The following AGBL1 variants were observed in gnomAD, a reference collection of about 807,000 sequenced individuals.
AGBL1 encodes the protein cytosolic carboxypeptidase 4.
In AGBL1, 130 loss-of-function variants were observed where a neutral mutation model predicts 118.9. The ratio of observed to expected loss-of-function variants is 1.09; its 90% CI spans 0.95 to 1.26. AGBL1 has a LOEUF of 1.26. Among genes scored for constraint, AGBL1 ranks in the 50% most tolerant of loss-of-function variants. AGBL1 has a pLI of 0.00. For synonymous variants in AGBL1, 555 were observed against 478.9 expected (o/e 1.16, Z -2.08); for missense variants, 1,584 against 1,298.1 (o/e 1.22, Z -3.38).
intron 22 of AGBL1, among the ~76,000 whole-genome samples, chr15:86,758,098 A>G (rs139256753): frequency 2.0e-3 from 308 of 152,162 alleles, no homozygotes; most frequent in African/African-American, 7.1e-3. Flanking sequence ...TGGCTTCCCA[A>G]TTCTCCTATG....
intron 18 of AGBL1, among the ~76,000 whole-genome samples, chr15:86,452,143 C>T (rs962940048): frequency 6.6e-6 from 1 of 152,156 alleles, no homozygotes; most frequent in Non-Finnish European, 1.5e-5. Flanking sequence ...AATCTCTAGA[C>T]TCATCTCCTA....
intron 18 of AGBL1, among the ~76,000 whole-genome samples, chr15:86,433,714 C>G (rs1265111534): frequency 1.3e-5 from 2 of 152,148 alleles, no homozygotes; most frequent in African/African-American, 4.8e-5. Context: ...CACTCAATCT[C>G]CAAGCTTCAG....
chr15:86,148,167 T>A (rs1018792856), intron 3 of AGBL1, among the ~76,000 whole-genome samples: 7 of 152,162 alleles, frequency 4.6e-5, no homozygotes, highest in Admixed American at 2.0e-4. Flanking sequence ...ATCAGAAAGA[T>A]GGGGAGAAAC....
intron 1 of AGBL1, among the ~76,000 whole-genome samples, chr15:86,093,113 C>T (rs188564804): frequency 6.6e-6 from 1 of 152,026 alleles, no homozygotes; most frequent in Non-Finnish European, 1.5e-5. Context: ...AGAATGGAGA[C>T]CGTAGTGATC....
chr15:86,131,055 C>T (rs944722116), intron 1 of AGBL1, among the ~76,000 whole-genome samples: 8 of 152,104 alleles, frequency 5.3e-5, no homozygotes, highest in African/African-American at 1.7e-4. Context: ...TGGGTCTTTC[C>T]GTATGGCAAG....
intron 1 of AGBL1, among the ~76,000 whole-genome samples, chr15:86,100,069 CT>C (rs956049111): frequency 1.3e-5 from 2 of 151,360 alleles, no homozygotes; most frequent in Non-Finnish European, 2.9e-5. Flanking sequence ...TTATCAAATG[CT>C]TTTTCAGCAG....
intron 22 of AGBL1, among the ~76,000 whole-genome samples, chr15:86,683,303 T>C (rs573558429): frequency 2.6e-5 from 4 of 152,322 alleles, no homozygotes; most frequent in African/African-American, 9.6e-5. Context: ...TATCCCTTGA[T>C]TGTTTTAATA....
chr15:86,326,698 T>C (rs752991829), intron 17 of AGBL1, among the ~76,000 whole-genome samples: 47 of 152,326 alleles, frequency 3.1e-4, no homozygotes, highest in Middle Eastern at 3.4e-3. Context: ...TTTTTACTTG[T>C]TTGTTTTGTT....
At chr15:86,365,487 A>C (rs1214381607) in intron 17 of AGBL1, among the ~76,000 whole-genome samples, 1 of 152,086 alleles carries the variant, frequency 6.6e-6, no homozygotes, top group Non-Finnish European at 1.5e-5. Flanking sequence ...TGTCTCAACA[A>C]CTGTTTGGAA....
chr15:86,573,514 G>T (rs1361060649), intron 21 of AGBL1, among the ~76,000 whole-genome samples: 1 of 152,196 alleles, frequency 6.6e-6, no homozygotes, highest in East Asian at 1.9e-4. Flanking sequence ...TAAAATAGAA[G>T]ATAATTCTTT....
At chr15:86,410,835 TA>T (rs2081601088) in intron 18 of AGBL1, among the ~76,000 whole-genome samples, 1 of 102,614 alleles carries the variant, frequency 9.7e-6, no homozygotes, top group African/African-American at 4.3e-5. Context: ...TATATATATA[TA>T]TATATAATAT....
intron 24 of AGBL1, among the ~76,000 whole-genome samples, chr15:87,017,874 C>A (rs2081622800): frequency 6.6e-6 from 1 of 152,006 alleles, no homozygotes; most frequent in African/African-American, 2.4e-5. Context: ...CATGTTGTAA[C>A]CCAATGCAGA....
At chr15:86,375,815 G>A (rs1011074211) in intron 17 of AGBL1, among the ~76,000 whole-genome samples, 8 of 152,194 alleles carry the variant, frequency 5.3e-5, no homozygotes, top group Non-Finnish European at 1.0e-4. Flanking sequence ...GAAGACCAAG[G>A]TGTGGGAGCC....
At chr15:86,720,688 A>G (rs1319815703) in intron 22 of AGBL1, among the ~76,000 whole-genome samples, 2 of 152,174 alleles carry the variant, frequency 1.3e-5, no homozygotes, top group African/African-American at 4.8e-5. Context: ...GTCAGGGGTG[A>G]GTATACCGAT....
At chr15:86,960,240 T>C (rs1156905105) in intron 23 of AGBL1, among the ~76,000 whole-genome samples, 1 of 152,056 alleles carries the variant, frequency 6.6e-6, no homozygotes, top group Non-Finnish European at 1.5e-5. Flanking sequence ...TTTTATTCTA[T>C]TAGGGAGCTA....
At chr15:86,809,854 C>A (rs2078764483) in intron 22 of AGBL1, among the ~76,000 whole-genome samples, 1 of 152,142 alleles carries the variant, frequency 6.6e-6, no homozygotes. Flanking sequence ...ATAAGCAGCT[C>A]TGGACCTGGC....
intron 1 of AGBL1, among the ~76,000 whole-genome samples, chr15:86,113,598 C>CT (rs1283661732): frequency 6.6e-6 from 1 of 152,072 alleles, no homozygotes; most frequent in Non-Finnish European, 1.5e-5. Flanking sequence ...CCTTTCACCT[C>CT]TTTCACCTGC....
intron 22 of AGBL1, among the ~76,000 whole-genome samples, chr15:86,873,699 A>G (rs1241994176): frequency 2.6e-5 from 4 of 152,180 alleles, no homozygotes; most frequent in African/African-American, 9.6e-5. Flanking sequence ...ACCACATCTT[A>G]TCTTGGACTT....
chr15:86,707,992 A>G (rs1026948735), intron 22 of AGBL1, among the ~76,000 whole-genome samples: 20 of 152,146 alleles, frequency 1.3e-4, no homozygotes, highest in Non-Finnish European at 8.8e-5. Flanking sequence ...GTCTCAAAAC[A>G]TTGACATTCC....
Sources: allele counts gnomAD v4.1 joint callset (sites outside exome capture counted in the v4.1 genomes callset), GRCh38; gene constraint gnomAD v4.1.1; transcripts MANE v1.5; gene names NCBI Gene and HGNC (gene_info 2026-07-23, HGNC 2026-07-21).